The following PTPRT variants were observed in gnomAD, a reference collection of about 807,000 sequenced individuals.
The protein encoded by PTPRT is protein tyrosine phosphatase receptor type T, also known as receptor-type tyrosine-protein phosphatase T.
PTPRT carries 56 observed loss-of-function variants against 176.8 expected under a neutral mutation model. The observed-to-expected ratio is 0.32, with a 90% CI of 0.26 to 0.40. The LOEUF (loss-of-function observed/expected upper bound fraction) is 0.40, where lower values mean the gene tolerates loss of function less well. Ranked by LOEUF, PTPRT falls within the 10% of genes least tolerant of loss-of-function variation. PTPRT has a pLI of 1.00. For missense variants in PTPRT, 1,540 were observed against 1,908.2 expected (o/e 0.81, Z 3.60); for synonymous variants, 783 against 739.0 (o/e 1.06, Z -0.96).
rs1435676505 is a variant in PTPRT at position 43,090,305 on chromosome 20, T to C, written c.88+99341A>G. Among the ~76,000 whole-genome samples, 7 of 151,594 alleles carry C rather than the reference T, an allele frequency of 4.6e-5. No homozygotes were observed. The East Asian group carries it at 1.4e-3, about 29-fold the overall frequency. On this transcript the variant is annotated intron_variant, in intron 1 of 30. Coordinates refer to ENST00000373187, the MANE Select transcript of PTPRT (RefSeq NM_007050.6). ...TTTTTTGAGATGGAGTCTTGTTCTG[T>C]CGCCCAGGCTGGAGTGCAGTGGCGC... is the stretch of plus-strand genomic sequence containing the variant.
At chr20:43,180,369 C>CTCTCTCTT (rs1208040640) in intron 1 of PTPRT, among the ~76,000 whole-genome samples, 1 of 151,238 alleles carries the variant, frequency 6.6e-6, no homozygotes, top group African/African-American at 2.4e-5. Flanking sequence ...CTCTCTCTCT[C>CTCTCTCTT]TCTGCCCCCA....
At chr20:42,368,970 CT>C (rs948156858) in intron 9 of PTPRT, among the ~76,000 whole-genome samples, 12 of 151,968 alleles carry the variant, frequency 7.9e-5, no homozygotes, top group African/African-American at 2.9e-4. Context: ...GAGTCTGGTT[CT>C]TTTTTTTCTT....
At chr20:42,699,104 A>G (rs548433512) in intron 6 of PTPRT, among the ~76,000 whole-genome samples, 1 of 152,298 alleles carries the variant, frequency 6.6e-6, no homozygotes, top group Admixed American at 6.5e-5. Context: ...AGTAAAAAGC[A>G]CAGTCTCAAG....
chr20:42,392,062 T>C (rs2058804995), intron 9 of PTPRT, among the ~76,000 whole-genome samples: 1 of 152,170 alleles, frequency 6.6e-6, no homozygotes, highest in Admixed American at 6.5e-5. Flanking sequence ...CCCTCCCTTG[T>C]TCTATCCCAC....
chr20:42,213,194 A>C (rs964469057), intron 15 of PTPRT, among the ~76,000 whole-genome samples: 2 of 94,322 alleles, frequency 2.1e-5, no homozygotes, highest in African/African-American at 3.0e-5. Flanking sequence ...GTGATCAATA[A>C]GCCCTCCAAG....
intron 1 of PTPRT, among the ~76,000 whole-genome samples, chr20:42,949,634 T>A (rs1455649260): frequency 6.6e-6 from 1 of 152,222 alleles, no homozygotes; most frequent in Non-Finnish European, 1.5e-5. Context: ...AGACAAACTT[T>A]TCCAATGTGC....
chr20:42,683,999 GT>G (rs1370812390), intron 6 of PTPRT, among the ~76,000 whole-genome samples: 3 of 152,204 alleles, frequency 2.0e-5, no homozygotes, highest in African/African-American at 7.2e-5. Context: ...TGGGCTCACA[GT>G]CCTTGGACAC....
At chr20:42,170,526 G>C (rs1008133681) in intron 16 of PTPRT, among the ~76,000 whole-genome samples, 7 of 152,110 alleles carry the variant, frequency 4.6e-5, no homozygotes, top group African/African-American at 1.7e-4. Flanking sequence ...CAATTGTAAA[G>C]AAACCAAAAT....
chr20:42,089,807 T>TG (rs35589057), intron 27 of PTPRT, among the ~76,000 whole-genome samples: 1 of 152,190 alleles, frequency 6.6e-6, no homozygotes, highest in Non-Finnish European at 1.5e-5. Context: ...ATTCTAGCCA[T>TG]GGGAAATAAG....
At chr20:42,311,406 G>T (rs935146289) in intron 12 of PTPRT, among the ~76,000 whole-genome samples, 18 of 152,132 alleles carry the variant, frequency 1.2e-4, no homozygotes, top group Non-Finnish European at 2.2e-4. Context: ...AACATCCATA[G>T]AACAAAGATG....
chr20:43,110,535 G>C (rs2012811327), intron 1 of PTPRT, among the ~76,000 whole-genome samples: 1 of 152,214 alleles, frequency 6.6e-6, no homozygotes, highest in Non-Finnish European at 1.5e-5. Flanking sequence ...GACAGAGGGG[G>C]GCTTCCTGGG....
intron 15 of PTPRT, among the ~76,000 whole-genome samples, chr20:42,216,945 A>T (rs1338994670): frequency 6.6e-6 from 1 of 152,092 alleles, no homozygotes; most frequent in Non-Finnish European, 1.5e-5. Context: ...GAGTGCAAAA[A>T]CTTTTCATTT....
At chr20:43,181,292 T>C (rs1280511768) in intron 1 of PTPRT, among the ~76,000 whole-genome samples, 1 of 152,112 alleles carries the variant, frequency 6.6e-6, no homozygotes, top group Non-Finnish European at 1.5e-5. Context: ...GCCAAAGAAA[T>C]AGTGAGACGA....
rs79113064 is a variant in PTPRT at position 43,166,326 on chromosome 20, TA to T, written c.88+23319del. Among the ~76,000 whole-genome samples the T allele has an allele frequency of 3.3e-3, 419 of 126,454 alleles. 2 individuals carry two copies. The highest frequency in any genetic ancestry group is 5.0e-3 in the South Asian group (19 of 3,838). 83.0% of individuals were successfully genotyped at this position (126,454 alleles called of 152,430 possible). On this transcript the variant is annotated intron_variant, in intron 1 of 30. Transcript: ENST00000373187. ...CCGGGCGACAGAGCAAGACTCTGTC[TA>T]AAAAAAAAAAAAAAACCCTCTATGG...
chr20:42,551,742 A>G lies in PTPRT; in HGVS notation c.1154-79180T>C, dbSNP rs570776861. 3.5e-3 allele frequency among the ~76,000 whole-genome samples: 538 copies of G among 152,276 alleles called. 9 individuals carry two copies. Among genetic ancestry groups the G allele is most frequent in the African/African-American group, 0.012 (519 of 41,552 alleles). ...TACTTGTTGAATGGGGGTCTGGCTG[A>G]CTAGCCCTGCCTTCTGGAACCCTTC... On this transcript the variant is annotated intron_variant, in intron 7 of 30. Coordinates refer to ENST00000373187, the MANE Select transcript of PTPRT (RefSeq NM_007050.6).
In PTPRT at chr20:43,149,772, T is replaced by C. The variant is rs370335721; in HGVS notation, c.88+39874A>G. Among the ~76,000 whole-genome samples, 43 of 152,346 alleles carry C rather than the reference T, an allele frequency of 2.8e-4. 3 individuals are homozygous for C. The East Asian group carries it at 3.5e-3, about 12-fold the overall frequency. The stretch of plus-strand genomic sequence containing the variant: ...ATAAATCATAACCCTCATCTACCAT[T>C]ACTGTATTTCTCTTTGCAAGATGAC... On this transcript the variant is annotated intron_variant, in intron 1 of 30. Coordinates refer to ENST00000373187, the MANE Select transcript of PTPRT (RefSeq NM_007050.6).
In PTPRT at chr20:42,079,834, T is replaced by C; in HGVS notation, c.*1045A>G. On this transcript the variant is annotated 3_prime_UTR_variant, in exon 31 of 31. Coordinates refer to ENST00000373187, the MANE Select transcript of PTPRT (RefSeq NM_007050.6). ...CATCTCTCCTTGCTCAGTGGCATGC[T>C]GTCCCAGGGTGGGAGCTTTTAAGGA... is the stretch of plus-strand genomic sequence containing the variant. 4.3e-6 allele frequency: 1 copy of C among 230,832 alleles called. No homozygotes were observed. Among genetic ancestry groups the C allele is most frequent in the East Asian group, 6.1e-5 (1 of 16,274 alleles). 14.3% of individuals were successfully genotyped at this position (230,832 alleles called of 1,614,324 possible). A position where few individuals can be genotyped will look rare whatever the true frequency, so the allele number is the denominator to read the frequency against.
chr20:42,252,951 A>T (rs1008453118), intron 13 of PTPRT, among the ~76,000 whole-genome samples: 1 of 152,206 alleles, frequency 6.6e-6, no homozygotes, highest in South Asian at 2.1e-4. Context: ...ATTCCCTGGG[A>T]CAGGGAAAAT....
rs555139920 is a variant in PTPRT, at chr20:42,723,369, G to A, written c.859+33093C>T. ...GCAGCTGGCAGGTCAACCAGGGGCC[G>A]GATGTCCCATTCGAAGCTGCAGTGA... On this transcript the variant is annotated intron_variant, in intron 6 of 30. Transcript: ENST00000373187. Among the ~76,000 whole-genome samples, 15 of 152,244 alleles carry A rather than the reference G, an allele frequency of 9.9e-5. No individual in the cohort carries two copies. In the East Asian group the frequency reaches 2.7e-3, roughly 28 times the overall value.
Sources: gnomAD v4.1 joint callset for allele counts (sites outside exome capture counted in the v4.1 genomes callset) on GRCh38, gnomAD v4.1.1 for gene constraint, MANE v1.5 for transcripts, NCBI Gene and HGNC (gene_info 2026-07-23, HGNC 2026-07-21) for gene names.